The following NFIL3 variants were observed in gnomAD, a reference collection of about 807,000 sequenced individuals.
NFIL3 encodes the protein nuclear factor interleukin-3-regulated protein.
A neutral mutation model predicts 10.0 loss-of-function variants in NFIL3; 5 were observed. The ratio of observed to expected loss-of-function variants is 0.50; its 90% confidence interval spans 0.26 to 1.06. NFIL3 has a LOEUF of 1.06. NFIL3 is among the 50% of genes least tolerant of loss of function. NFIL3 has a pLI of 0.13. For missense variants in NFIL3, 436 were observed against 547.6 expected (o/e 0.80, Z 2.03); for synonymous variants, 202 against 206.5 (o/e 0.98, Z 0.19).
At chr9:91,482,948 T>C in the NFIL3 span, among the ~76,000 whole-genome samples, 1 of 152,216 alleles carries the variant, frequency 6.6e-6, no homozygotes, top group Non-Finnish European at 1.5e-5. Context: ...TATGGGTCTA[T>C]GCAGATAAGA....
At chr9:91,417,921 A>G (rs928974974) in intron 1 of NFIL3, among the ~76,000 whole-genome samples, 1 of 152,236 alleles carries the variant, frequency 6.6e-6, no homozygotes, top group Admixed American at 6.5e-5. Flanking sequence ...AGCCTGATCC[A>G]GTTTATGATA....
At chr9:91,471,481 TGTGTC>T in the NFIL3 span, among the ~76,000 whole-genome samples, 3 of 140,480 alleles carry the variant, frequency 2.1e-5, no homozygotes, top group African/African-American at 8.4e-5. Flanking sequence ...TTTGCCAGTC[TGTGTC>T]TTTTTTTTTT....
chr9:91,478,151 A>G, the NFIL3 span, among the ~76,000 whole-genome samples: 1 of 152,052 alleles, frequency 6.6e-6, no homozygotes, highest in Non-Finnish European at 1.5e-5. Flanking sequence ...CTCGAGGAGT[A>G]TCTTTGTGGT....
chr9:91,434,578 C>T, the NFIL3 span, among the ~76,000 whole-genome samples: 2 of 151,856 alleles, frequency 1.3e-5, no homozygotes, highest in African/African-American at 2.4e-5. Flanking sequence ...TTTAATTAAC[C>T]GTGAAGCAGC....
intron 1 of NFIL3, among the ~76,000 whole-genome samples, chr9:91,420,894 ATAAAT>A (rs1165669342): frequency 6.6e-6 from 1 of 152,104 alleles, no homozygotes; most frequent in Non-Finnish European, 1.5e-5. Context: ...CTTTGACCAC[ATAAAT>A]TAAAGGTTAA....
chr9:91,421,315 C>T (rs988193217), intron 1 of NFIL3, among the ~76,000 whole-genome samples: 3 of 151,758 alleles, frequency 2.0e-5, no homozygotes, highest in African/African-American at 7.3e-5. Flanking sequence ...CGGCCCCGGC[C>T]GGTCCCTAGC....
chr9:91,422,027 T>TG (rs1833780249), intron 1 of NFIL3, among the ~76,000 whole-genome samples: 2 of 152,306 alleles, frequency 1.3e-5, no homozygotes, highest in South Asian at 4.1e-4. Context: ...AGGTCATATC[T>TG]GGTCTGGGGG....
chr9:91,442,728 C>T, the NFIL3 span, among the ~76,000 whole-genome samples: 1 of 152,114 alleles, frequency 6.6e-6, no homozygotes, highest in African/African-American at 2.4e-5. Context: ...CACATCTGGA[C>T]GAGAGGGACA....
intron 1 of NFIL3, among the ~76,000 whole-genome samples, chr9:91,418,074 CTTT>C (rs779226986): frequency 4.6e-5 from 7 of 152,064 alleles, no homozygotes; most frequent in South Asian, 4.1e-4. Flanking sequence ...TAACATTCTT[CTTT>C]AAGAGGTCGT....
In NFIL3 at chr9:91,409,214, C is replaced by A. The variant is rs1206636584; in HGVS notation, c.*132G>T. ...ATCATAATCTGTGCACAAAAAGACA[C>A]CAAACAGACAACATGTGCACATCAC... On this transcript the variant is annotated 3_prime_UTR_variant, in exon 2 of 2. Coordinates refer to ENST00000297689, the MANE Select transcript of NFIL3 (RefSeq NM_005384.3). 6 of 832,528 alleles carry A rather than the reference C, an allele frequency of 7.2e-6. No individual in the cohort carries two copies. The highest frequency in any genetic ancestry group is 1.1e-5 in the Non-Finnish European group (6 of 548,948). 51.6% of individuals were successfully genotyped at this position (832,528 alleles called of 1,614,324 possible).
chr9:91,421,035 T>A (rs1401191040), intron 1 of NFIL3, among the ~76,000 whole-genome samples: 1 of 152,128 alleles, frequency 6.6e-6, no homozygotes, highest in Non-Finnish European at 1.5e-5. Context: ...TTTCTTAAGG[T>A]CTTTTTCACT....
the NFIL3 span, among the ~76,000 whole-genome samples, chr9:91,482,809 T>G: frequency 2.0e-5 from 3 of 152,076 alleles, no homozygotes; most frequent in African/African-American, 7.2e-5. Context: ...GCCTCCTAAC[T>G]GAACGTTTTA....
chr9:91,477,205 T>A, the NFIL3 span, among the ~76,000 whole-genome samples: 1 of 152,158 alleles, frequency 6.6e-6, no homozygotes, highest in Non-Finnish European at 1.5e-5. Context: ...TCTAAGCTCT[T>A]GGGTGTTGTG....
chr9:91,440,649 A>C, the NFIL3 span, among the ~76,000 whole-genome samples: 1 of 152,080 alleles, frequency 6.6e-6, no homozygotes, highest in Admixed American at 6.6e-5. Flanking sequence ...ATTGCTGTAC[A>C]CTTTCCTCTC....
At chr9:91,457,562 A>G in the NFIL3 span, among the ~76,000 whole-genome samples, 2 of 152,018 alleles carry the variant, frequency 1.3e-5, no homozygotes, top group East Asian at 3.8e-4. Flanking sequence ...GTATTATATT[A>G]TATTAGTTCT....
the NFIL3 span, among the ~76,000 whole-genome samples, chr9:91,481,616 C>G: frequency 6.6e-6 from 1 of 150,804 alleles, no homozygotes; most frequent in Non-Finnish European, 1.5e-5. Flanking sequence ...TCACCATACT[C>G]TTTTCTAATT....
intron 1 of NFIL3, among the ~76,000 whole-genome samples, chr9:91,414,121 A>G (rs1161801761): frequency 6.6e-6 from 1 of 152,162 alleles, no homozygotes; most frequent in Non-Finnish European, 1.5e-5. Context: ...TCCTTAACTC[A>G]TGTCTTCTAG....
chr9:91,448,304 A>G, the NFIL3 span, among the ~76,000 whole-genome samples: 4 of 152,202 alleles, frequency 2.6e-5, no homozygotes, highest in Non-Finnish European at 5.9e-5. Context: ...GGCCAACATT[A>G]AACAGTTACA....
At chr9:91,440,196 T>A in the NFIL3 span, among the ~76,000 whole-genome samples, 1 of 152,094 alleles carries the variant, frequency 6.6e-6, no homozygotes, top group Admixed American at 6.5e-5. Flanking sequence ...CTCTTTGTTA[T>A]TATTCTGTTC....
Sources: gnomAD v4.1 joint callset for allele counts (sites outside exome capture counted in the v4.1 genomes callset) on GRCh38, gnomAD v4.1.1 for gene constraint, MANE v1.5 for transcripts, NCBI Gene and HGNC (gene_info 2026-07-23, HGNC 2026-07-21) for gene names.